UGP2: variants seen among roughly 807,000 people sequenced by gnomAD.
UGP2 encodes the protein UDP-glucose pyrophosphorylase 2, also known as UTP--glucose-1-phosphate uridylyltransferase.
In UGP2, 40 loss-of-function variants were observed where a neutral mutation model predicts 49.0. The ratio of observed to expected loss-of-function variants is 0.82; its 90% CI spans 0.63 to 1.06. The LOEUF is 1.06. Among genes scored for constraint, UGP2 ranks in the 50% least tolerant of loss-of-function variants. The pLI, the probability that UGP2 is intolerant of heterozygous loss-of-function variation, is 0.00. For missense variants in UGP2, 460 were observed against 603.5 expected (o/e 0.76, Z 2.49); for synonymous variants, 225 against 213.0 (o/e 1.06, Z -0.49).
At chr2:63,858,224 T>A (rs1669585567) in intron 3 of UGP2, among the ~76,000 whole-genome samples, 1 of 152,210 alleles carries the variant, frequency 6.6e-6, no homozygotes, top group South Asian at 2.1e-4. Flanking sequence ...AAATATCCCA[T>A]AAGAGCTTCG....
intron 3 of UGP2, among the ~76,000 whole-genome samples, chr2:63,866,424 G>GTT (rs144452845): frequency 0.026 from 3,965 of 152,292 alleles, 84 homozygotes; most frequent in Non-Finnish European, 0.039. Flanking sequence ...AAATAAGTGG[G>GTT]TTTCTGGTAT....
intron 1 of UGP2, chr2:63,855,610 C>A: frequency 1.0e-5 from 4 of 398,614 alleles, no homozygotes; most frequent in South Asian, 5.3e-5. Flanking sequence ...GGCGCGATCT[C>A]GCCTCACTGC....
upstream of UGP2, chr2:63,841,014 G>A (rs1474248009): frequency 1.3e-5 from 2 of 152,398 alleles, no homozygotes; most frequent in Non-Finnish European, 2.9e-5. Context: ...GAGGTGTTTA[G>A]GAGAAAGTAG....
chr2:63,885,456 C>A, intron 5 of UGP2, 133 bp from the exon 6 acceptor site: 2 of 732,022 alleles, frequency 2.7e-6, no homozygotes, highest in South Asian at 6.4e-5. Flanking sequence ...ATGGATTCAC[C>A]TATAATTAAA....
At position 63,842,211 on chromosome 2, in the gene UGP2, A is replaced by G; in HGVS notation, c.19+7A>G. ...ATGTCGAGATTTGTACAAGGTAAGA[A>G]ATGCTGCTGCTTATATCCCGAGTTG... On this transcript the variant is annotated splice_region_variant and intron_variant, in intron 1 of 9. Transcript: ENST00000337130. The G allele has an allele frequency of 6.2e-7, 1 of 1,607,768 alleles. No individual in the cohort carries two copies. The highest frequency in any genetic ancestry group is 8.5e-7 in the Non-Finnish European group (1 of 1,178,446).
chr2:63,845,514 T>G (rs1478086685), intron 1 of UGP2, among the ~76,000 whole-genome samples: 2 of 131,148 alleles, frequency 1.5e-5, no homozygotes, highest in African/African-American at 5.4e-5. Flanking sequence ...TAGGTGTTAT[T>G]ATGTTAAAAA....
intron 3 of UGP2, among the ~76,000 whole-genome samples, chr2:63,861,305 T>C (rs72891027): frequency 0.012 from 1,854 of 152,130 alleles, 48 homozygotes; most frequent in African/African-American, 0.043. Flanking sequence ...ACGTTGGGCA[T>C]GGACAGGGAT....
At chr2:63,872,708 G>GTT (rs1670638681) in intron 3 of UGP2, among the ~76,000 whole-genome samples, 1 of 150,858 alleles carries the variant, frequency 6.6e-6, no homozygotes. Context: ...GGAGGAAACA[G>GTT]CAACTACATA....
rs144922835 is a variant in UGP2, at chr2:63,890,485, T to C, written c.1419+300T>C. Among the ~76,000 whole-genome samples the C allele has an allele frequency of 3.9e-5, 6 of 152,306 alleles. No homozygotes were observed. In the South Asian group the frequency reaches 6.2e-4, roughly 16 times the overall value. ...ACATTATTGTAGTACTCAGGTACTC[T>C]TCAGTGTCATTCCAGCCTCACGTAA... On this transcript the variant is annotated intron_variant, in intron 9 of 9. Coordinates refer to ENST00000337130, the MANE Select transcript of UGP2 (RefSeq NM_006759.4).
intron 3 of UGP2, among the ~76,000 whole-genome samples, chr2:63,875,597 C>A (rs1325889567): frequency 3.3e-5 from 5 of 152,068 alleles, no homozygotes; most frequent in African/African-American, 9.7e-5. Flanking sequence ...GATTGACATC[C>A]TAGAGGGCTG....
At chr2:63,866,598 A>C (rs959307439) in intron 3 of UGP2, among the ~76,000 whole-genome samples, 4 of 152,178 alleles carry the variant, frequency 2.6e-5, no homozygotes, top group African/African-American at 9.7e-5. Flanking sequence ...TGGTATGCAG[A>C]TACTCCAGGT....
In UGP2 at chr2:63,857,956, T is replaced by G; in HGVS notation, c.255+20T>G. The G allele has an allele frequency of 1.2e-6, 2 of 1,607,008 alleles. No individual in the cohort carries two copies. Among genetic ancestry groups the G allele is most frequent in the Non-Finnish European group, 1.7e-6 (2 of 1,174,698 alleles). On this transcript the variant is annotated intron_variant, in intron 3 of 9. Coordinates refer to ENST00000337130, the MANE Select transcript of UGP2 (RefSeq NM_006759.4). Reference sequence around the variant, plus strand: ...GATTCGGTAAGTTTTAGATAAAATGTAGGAAAATGTAGGGTAATCTTGGGC... The same window carrying G: ...GATTCGGTAAGTTTTAGATAAAATGGAGGAAAATGTAGGGTAATCTTGGGC...
At chr2:63,865,480 A>T (rs1363394721) in intron 3 of UGP2, among the ~76,000 whole-genome samples, 1 of 151,588 alleles carries the variant, frequency 6.6e-6, no homozygotes, top group Non-Finnish European at 1.5e-5. Flanking sequence ...ACAGGCTTCT[A>T]CCTAGAGAGA....
At chr2:63,886,720 G>C (rs1671700272) in intron 7 of UGP2, among the ~76,000 whole-genome samples, 182 bp downstream of exon 7, 2 of 152,112 alleles carry the variant, frequency 1.3e-5, no homozygotes, top group African/African-American at 4.8e-5. Flanking sequence ...AGTGTGCCAA[G>C]TTATGGTGCC....
intron 1 of UGP2, chr2:63,842,411 G>T (rs1671626280): frequency 6.3e-7 from 1 of 1,580,264 alleles, no homozygotes; most frequent in Non-Finnish European, 8.5e-7. Context: ...TACCCTGCTG[G>T]GTTTAGTTTT....
intron 1 of UGP2, among the ~76,000 whole-genome samples, chr2:63,853,107 CAGG>C (rs1367360700): frequency 1.3e-5 from 2 of 151,946 alleles, no homozygotes; most frequent in Non-Finnish European, 2.9e-5. Flanking sequence ...TTAGGAATCT[CAGG>C]AGAGGAAAGG....
At position 63,891,332 on chromosome 2, in the gene UGP2, G is replaced by A. The variant is rs1672139993; in HGVS notation, c.*105G>A. ...GTACTTTACTATGTTACTGTACCCTGCAGTGTTGATTTTTAAAATAGAGTT... is the reference window on the plus strand; with the variant it reads ...GTACTTTACTATGTTACTGTACCCTACAGTGTTGATTTTTAAAATAGAGTT... On this transcript the variant is annotated 3_prime_UTR_variant, in exon 10 of 10. Coordinates refer to ENST00000337130, the MANE Select transcript of UGP2 (RefSeq NM_006759.4). The A allele has an allele frequency of 2.4e-6, 2 of 839,594 alleles. No individual in the cohort carries two copies. Among genetic ancestry groups the A allele is most frequent in the East Asian group, 2.9e-5 (1 of 34,918 alleles). 52.0% of individuals were successfully genotyped at this position (839,594 alleles called of 1,614,324 possible). A position where few individuals can be genotyped will look rare whatever the true frequency, so the allele number is the denominator to read the frequency against.
chr2:63,841,826 G>T (rs1390801332), upstream of UGP2: 4 of 199,582 alleles, frequency 2.0e-5, no homozygotes, highest in Admixed American at 5.4e-5. Flanking sequence ...ACTTGGGGGC[G>T]GTGAAATAGC....
intron 2 of UGP2, chr2:63,856,971 T>C: frequency 2.6e-6 from 1 of 377,366 alleles, no homozygotes; most frequent in Non-Finnish European, 5.2e-6. Context: ...TAGTGAAGAT[T>C]AATTTTCATT....
Sources: allele counts gnomAD v4.1 joint callset (sites outside exome capture counted in the v4.1 genomes callset), GRCh38; gene constraint gnomAD v4.1.1; transcripts MANE v1.5; gene names NCBI Gene and HGNC (gene_info 2026-07-23, HGNC 2026-07-21).